Variants in MAGI1 observed in about 807,000 individuals in gnomAD.
The protein encoded by MAGI1 is membrane associated guanylate kinase, WW and PDZ domain containing 1.
In MAGI1, 58 loss-of-function variants were observed where a neutral mutation model predicts 139.9. That is an observed-to-expected ratio of 0.41 (90% CI 0.34 to 0.52). The LOEUF (loss-of-function observed/expected upper bound fraction) is 0.52, where lower values mean the gene tolerates loss of function less well. MAGI1 is among the 20% of genes least tolerant of loss of function. The pLI is 0.12. For missense variants in MAGI1, 1,874 were observed against 1,901.6 expected (o/e 0.99, Z 0.27); for synonymous variants, 812 against 737.9 (o/e 1.10, Z -1.63).
chr3:65,522,089 C>A (rs2078190033), intron 2 of MAGI1, among the ~76,000 whole-genome samples: 1 of 152,040 alleles, frequency 6.6e-6, no homozygotes. Context: ...ATGGCCTTCA[C>A]CAAGAGCAGT....
chr3:65,897,487 G>A (rs911785050), intron 1 of MAGI1, among the ~76,000 whole-genome samples: 1 of 152,004 alleles, frequency 6.6e-6, no homozygotes, highest in East Asian at 1.9e-4. Flanking sequence ...GGGCAGGGGC[G>A]GAATAGCATT....
chr3:65,659,805 C>T (rs892916322), intron 1 of MAGI1, among the ~76,000 whole-genome samples: 1 of 152,174 alleles, frequency 6.6e-6, no homozygotes, highest in African/African-American at 2.4e-5. Flanking sequence ...TGGGGACCTC[C>T]TCCAAACCAA....
At chr3:65,478,043 T>C (rs1345268448) in intron 4 of MAGI1, among the ~76,000 whole-genome samples, 1 of 152,094 alleles carries the variant, frequency 6.6e-6, no homozygotes, top group African/African-American at 2.4e-5. Context: ...GAATTTTACT[T>C]TTCCATCTTT....
intron 1 of MAGI1, among the ~76,000 whole-genome samples, chr3:65,779,293 A>G (rs1273223378): frequency 1.3e-5 from 2 of 152,132 alleles, no homozygotes; most frequent in African/African-American, 4.8e-5. Context: ...CTCCATGTAA[A>G]TGTGCACAAA....
intron 1 of MAGI1, among the ~76,000 whole-genome samples, chr3:65,721,716 C>T (rs2033048554): frequency 6.6e-6 from 1 of 152,134 alleles, no homozygotes; most frequent in Non-Finnish European, 1.5e-5. Context: ...AATACTACTC[C>T]TCTTATTTAT....
intron 1 of MAGI1, among the ~76,000 whole-genome samples, chr3:65,953,773 A>G (rs963829499): frequency 1.3e-5 from 2 of 152,220 alleles, no homozygotes; most frequent in Non-Finnish European, 2.9e-5. Flanking sequence ...TGTAGCACCG[A>G]AAGTAAAATG....
At chr3:65,877,775 A>T (rs569063920) in intron 1 of MAGI1, among the ~76,000 whole-genome samples, 1 of 152,262 alleles carries the variant, frequency 6.6e-6, no homozygotes, top group East Asian at 1.9e-4. Context: ...ACTGGAAAAG[A>T]ACCTGATCAT....
chr3:66,004,643 A>C (rs1332073824), intron 1 of MAGI1, among the ~76,000 whole-genome samples: 1 of 152,220 alleles, frequency 6.6e-6, no homozygotes, highest in Non-Finnish European at 1.5e-5. Flanking sequence ...AAGCACAGTC[A>C]AGTTCACATT....
At chr3:65,683,385 G>A (rs939616973) in intron 1 of MAGI1, among the ~76,000 whole-genome samples, 1 of 151,852 alleles carries the variant, frequency 6.6e-6, no homozygotes, top group South Asian at 2.1e-4. Context: ...GGCTGTGCAC[G>A]TACAGGGGTA....
At chr3:65,396,075 A>C (rs572833126) in intron 13 of MAGI1, among the ~76,000 whole-genome samples, 2 of 152,224 alleles carry the variant, frequency 1.3e-5, no homozygotes, top group South Asian at 2.1e-4. Context: ...TGAATGGAGG[A>C]GGCTTAGGAG....
At chr3:66,018,588 A>G (rs1056269757) in intron 1 of MAGI1, among the ~76,000 whole-genome samples, 3 of 152,184 alleles carry the variant, frequency 2.0e-5, no homozygotes, top group Non-Finnish European at 2.9e-5. Context: ...CCAGTAAACT[A>G]TCTTGCCTCA....
chr3:65,420,642 C>T (rs1311928997), intron 12 of MAGI1, among the ~76,000 whole-genome samples: 1 of 152,134 alleles, frequency 6.6e-6, no homozygotes, highest in Non-Finnish European at 1.5e-5. Context: ...AAAGCAACTT[C>T]TTTATATTCA....
intron 1 of MAGI1, among the ~76,000 whole-genome samples, chr3:65,710,395 C>T (rs2031214605): frequency 6.6e-6 from 1 of 150,782 alleles, no homozygotes; most frequent in African/African-American, 2.4e-5. Context: ...ATTCTCCTGC[C>T]TCAGCCTCCT....
chr3:65,488,242 C>T (rs558030714), intron 3 of MAGI1, among the ~76,000 whole-genome samples: 2 of 152,308 alleles, frequency 1.3e-5, no homozygotes, highest in East Asian at 1.9e-4. Context: ...CTCATAGCTT[C>T]GCCTCCTCTA....
At chr3:65,926,364 T>TCTCC (rs2062514996) in intron 1 of MAGI1, among the ~76,000 whole-genome samples, 1 of 150,614 alleles carries the variant, frequency 6.6e-6, no homozygotes, top group Non-Finnish European at 1.5e-5. Context: ...TCTCTCTCTC[T>TCTCC]CTCTCCCTCT....
chr3:66,032,641 C>T (rs993916162), intron 1 of MAGI1, among the ~76,000 whole-genome samples: 2 of 151,564 alleles, frequency 1.3e-5, no homozygotes, highest in Non-Finnish European at 2.9e-5. Context: ...AAACAGGGCC[C>T]GTTGCGGTGG....
At chr3:65,958,933 G>C (rs2064269162) in intron 1 of MAGI1, among the ~76,000 whole-genome samples, 1 of 152,054 alleles carries the variant, frequency 6.6e-6, no homozygotes, top group African/African-American at 2.4e-5. Flanking sequence ...GATACAGTGA[G>C]CTGAGATCGT....
intron 1 of MAGI1, among the ~76,000 whole-genome samples, chr3:65,869,132 G>C (rs1412178651): frequency 6.8e-6 from 1 of 147,958 alleles, no homozygotes; most frequent in African/African-American, 2.5e-5. Context: ...GCAGGCGCCT[G>C]TAGTCCCAGC....
At chr3:65,815,597 A>T (rs561765690) in intron 1 of MAGI1, among the ~76,000 whole-genome samples, 79 of 152,358 alleles carry the variant, frequency 5.2e-4, no homozygotes, top group African/African-American at 1.7e-3. Flanking sequence ...GTATTATCTT[A>T]GCAAGAATGT....
Sources: gnomAD v4.1 joint callset for allele counts (sites outside exome capture counted in the v4.1 genomes callset) on GRCh38, gnomAD v4.1.1 for gene constraint, MANE v1.5 for transcripts, NCBI Gene and HGNC (gene_info 2026-07-23, HGNC 2026-07-21) for gene names.